Variants in CLASP2 observed in about 807,000 individuals in gnomAD.
The protein encoded by CLASP2 is CLIP-associating protein 2.
CLASP2 carries 47 observed loss-of-function variants against 194.4 expected under a neutral mutation model. The observed-to-expected ratio is 0.24, with a 90% CI of 0.19 to 0.31. The LOEUF (loss-of-function observed/expected upper bound fraction) is 0.31, where lower values mean the gene tolerates loss of function less well. Among genes scored for constraint, CLASP2 ranks in the 10% least tolerant of loss-of-function variants. The pLI is 1.00. For missense variants in CLASP2, 1,445 were observed against 1,823.6 expected (o/e 0.79, Z 3.78); for synonymous variants, 619 against 633.5 (o/e 0.98, Z 0.34).
chr3:33,608,720 A>G, intron 13 of CLASP2, 94 bp from the exon 14 acceptor site: 1 of 637,552 alleles, frequency 1.6e-6, no homozygotes, highest in Non-Finnish European at 2.6e-6. Flanking sequence ...CCTAAATTAA[A>G]GCATAAGACA....
At chr3:33,505,174 G>A (rs370084217) in intron 37 of CLASP2, 2 of 152,192 alleles carry the variant, frequency 1.3e-5, no homozygotes, top group African/African-American at 4.8e-5. Context: ...CCTGATGGGA[G>A]GTGAAACAAA....
In CLASP2 at chr3:33,644,849, G is replaced by A. The variant is rs374632684; in HGVS notation, c.770C>T (p.Ala257Val). The A allele has an allele frequency of 7.5e-6, 12 of 1,610,194 alleles. No homozygotes were observed. Among genetic ancestry groups the A allele is most frequent in the African/African-American group, 6.7e-5 (5 of 74,912 alleles). Residue 257 changes from alanine (A) to valine (V), a missense_variant, in exon 8 of 39, where the codon GCA (alanine) becomes GTA (valine). By Grantham distance (64) the Ala-to-Val change is moderately conservative. Coordinates refer to ENST00000682230, the MANE Select transcript of CLASP2 (RefSeq NM_001365631.1). ...AGGTGCAGGAACCTTGAAGGCTGAT[G>A]CAGCTGATGATGGCCTATTTCCATC... Reference protein sequence around the residue: ...SVDGNRPSSAASAFKVPAPKT... With the variant: ...SVDGNRPSSAVSAFKVPAPKT...
chr3:33,641,571 C>T (rs552192177), intron 8 of CLASP2, among the ~76,000 whole-genome samples: 1 of 151,718 alleles, frequency 6.6e-6, no homozygotes, highest in South Asian at 2.1e-4. Context: ...GGCCAAAGAA[C>T]AAAGCAAATT....
intron 13 of CLASP2, among the ~76,000 whole-genome samples, 178 bp downstream of exon 13, chr3:33,611,823 T>C (rs2075235205): frequency 1.3e-5 from 2 of 152,110 alleles, no homozygotes. Flanking sequence ...GTGGTCATAA[T>C]AATCACTTCA....
intron 36 of CLASP2, among the ~76,000 whole-genome samples, chr3:33,514,837 CA>C (rs61603633): frequency 6.6e-6 from 1 of 151,972 alleles, no homozygotes; most frequent in Admixed American, 6.6e-5. Flanking sequence ...CACACACACA[CA>C]CCATGTGTAT....
At chr3:33,500,510 G>A (rs1168357372) in intron 38 of CLASP2, among the ~76,000 whole-genome samples, 2 of 152,014 alleles carry the variant, frequency 1.3e-5, no homozygotes, top group African/African-American at 2.4e-5. Context: ...TGGGATTCAC[G>A]GGATCACAGA....
At chr3:33,573,687 G>C (rs1425463087) in intron 24 of CLASP2, among the ~76,000 whole-genome samples, 1 of 152,072 alleles carries the variant, frequency 6.6e-6, no homozygotes, top group African/African-American at 2.4e-5. Flanking sequence ...GAATGTAAAT[G>C]AACAGAAACT....
chr3:33,624,379 T>C (rs2077628926), intron 10 of CLASP2, among the ~76,000 whole-genome samples: 1 of 152,092 alleles, frequency 6.6e-6, no homozygotes, highest in South Asian at 2.1e-4. Context: ...GAGGAGAATT[T>C]TCAAGTGTCT....
At chr3:33,507,432 A>G (rs1289050119) in intron 37 of CLASP2, among the ~76,000 whole-genome samples, 1 of 152,224 alleles carries the variant, frequency 6.6e-6, no homozygotes, top group South Asian at 2.1e-4. Flanking sequence ...CTGACAGTTA[A>G]ACTGAAGACT....
At chr3:33,505,518 A>G (rs760389405) in intron 37 of CLASP2, 5 of 152,244 alleles carry the variant, frequency 3.3e-5, no homozygotes, top group Non-Finnish European at 5.9e-5. Context: ...CAGAGTAGGA[A>G]GCTCCAAGAA....
intron 8 of CLASP2, among the ~76,000 whole-genome samples, chr3:33,637,472 T>C (rs1240983699): frequency 2.0e-5 from 3 of 152,032 alleles, no homozygotes; most frequent in Admixed American, 6.5e-5. Flanking sequence ...AGGTGCAGGT[T>C]GCAGTGAGCC....
At chr3:33,649,319 ACTTATTTTG>A (rs1366097102) in intron 7 of CLASP2, among the ~76,000 whole-genome samples, 2 of 152,018 alleles carry the variant, frequency 1.3e-5, no homozygotes, top group African/African-American at 4.8e-5. Context: ...TATATATTTT[ACTTATTTTG>A]CTTATCTGTG....
intron 25 of CLASP2, among the ~76,000 whole-genome samples, chr3:33,572,555 C>A (rs1406004045): frequency 1.3e-5 from 2 of 151,794 alleles, no homozygotes; most frequent in Non-Finnish European, 2.9e-5. Flanking sequence ...CAGACAAGGA[C>A]AATAAGGCAA....
chr3:33,636,228 T>C (rs1032222798), intron 8 of CLASP2, among the ~76,000 whole-genome samples: 11 of 152,162 alleles, frequency 7.2e-5, no homozygotes, highest in Non-Finnish European at 1.2e-4. Flanking sequence ...CATTTCACTA[T>C]ACCAACAGAA....
At chr3:33,652,439 T>A (rs1003785797) in intron 7 of CLASP2, among the ~76,000 whole-genome samples, 6 of 152,198 alleles carry the variant, frequency 3.9e-5, no homozygotes, top group African/African-American at 1.4e-4. Context: ...CTTCCCACAC[T>A]GTGCTTTTAC....
chr3:33,667,062 TTTACTA>T (rs979723582), intron 6 of CLASP2, among the ~76,000 whole-genome samples: 1 of 152,134 alleles, frequency 6.6e-6, no homozygotes, highest in Non-Finnish European at 1.5e-5. Context: ...TATCTGTCCT[TTTACTA>T]TTGAGTTGTA....
intron 3 of CLASP2, chr3:33,689,597 A>G: frequency 2.7e-6 from 1 of 375,286 alleles, no homozygotes; most frequent in East Asian, 4.6e-5. Flanking sequence ...ATACTGTCAA[A>G]TCACTGAAAT....
intron 27 of CLASP2, among the ~76,000 whole-genome samples, chr3:33,563,002 C>T (rs181010013): frequency 6.7e-6 from 1 of 149,466 alleles, no homozygotes; most frequent in Admixed American, 6.8e-5. Context: ...TATACCTATC[C>T]TTCTAATTTA....
At position 33,538,394 on chromosome 3, in the gene CLASP2, C is replaced by T. The variant is rs182556054; in HGVS notation, c.3558+395G>A. ...CACAATCTAAAATAGACTCACTTTC[C>T]TCCAAAGCACATTCTATCCTAAAAC... On this transcript the variant is annotated intron_variant, in intron 33 of 38. Transcript: ENST00000682230. 2.1e-4 allele frequency among the ~76,000 whole-genome samples: 32 copies of T among 152,322 alleles called. 1 individual carries two copies. The East Asian group carries it at 5.8e-3, about 28-fold the overall frequency.
Sources: allele counts gnomAD v4.1 joint callset (sites outside exome capture counted in the v4.1 genomes callset), GRCh38; gene constraint gnomAD v4.1.1; transcripts MANE v1.5; gene names NCBI Gene and HGNC (gene_info 2026-07-23, HGNC 2026-07-21).